The following RERE variants were observed in gnomAD, a reference collection of about 807,000 sequenced individuals.
RERE encodes arginine-glutamic acid dipeptide repeats.
Under a neutral mutation model 146.1 loss-of-function variants are expected in RERE, and 40 were observed. The observed-to-expected ratio is 0.27, with a 90% CI of 0.21 to 0.36. The LOEUF (loss-of-function observed/expected upper bound fraction) is 0.36. Ranked by LOEUF, RERE falls within the 10% of genes least tolerant of loss-of-function variation. The pLI, the probability that RERE is intolerant of heterozygous loss-of-function variation, is 1.00. For missense variants in RERE, 1,933 were observed against 2,138.7 expected (o/e 0.90, Z 1.90); for synonymous variants, 1,003 against 866.0 (o/e 1.16, Z -2.78).
chr1:8,560,041 G>A (rs781372254), intron 4 of RERE, among the ~76,000 whole-genome samples: 2 of 152,042 alleles, frequency 1.3e-5, no homozygotes, highest in African/African-American at 2.4e-5. Context: ...TTCTTCCCTC[G>A]GCAGGATAAT....
intron 4 of RERE, among the ~76,000 whole-genome samples, chr1:8,597,646 C>CA: frequency 6.6e-6 from 1 of 152,302 alleles, no homozygotes; most frequent in South Asian, 2.1e-4. Flanking sequence ...AGAATGTCTG[C>CA]AGCACAGGCT....
chr1:8,678,244 T>C (rs1384232958), intron 1 of RERE, among the ~76,000 whole-genome samples: 2 of 152,206 alleles, frequency 1.3e-5, no homozygotes, highest in Non-Finnish European at 2.9e-5. Flanking sequence ...CTTTCCTCTT[T>C]TATAATCAAA....
intron 1 of RERE, among the ~76,000 whole-genome samples, chr1:8,790,292 G>A (rs1487123756): frequency 6.6e-6 from 1 of 152,020 alleles, no homozygotes; most frequent in Non-Finnish European, 1.5e-5. Flanking sequence ...TTAAACATGA[G>A]GAAAAACATG....
intron 1 of RERE, among the ~76,000 whole-genome samples, chr1:8,816,677 T>C (rs1641917810): frequency 6.6e-6 from 1 of 152,136 alleles, no homozygotes; most frequent in Non-Finnish European, 1.5e-5. Context: ...CAAGTGACTT[T>C]GGGTTTCATA....
chr1:8,424,862 A>G (rs1292561742), intron 11 of RERE: 2 of 152,674 alleles, frequency 1.3e-5, no homozygotes, highest in Non-Finnish European at 2.9e-5. Context: ...CAGGGCTTCC[A>G]GCAGAAGTCA....
rs1199571379 is a variant in RERE at position 8,361,789 on chromosome 1, T to C, written c.1990A>G (p.Thr664Ala). The C allele has an allele frequency of 6.2e-7, 1 of 1,613,800 alleles. No homozygotes were observed. Among genetic ancestry groups the C allele is most frequent in the African/African-American group, 1.3e-5 (1 of 74,930 alleles). ...TGCGTTTTTGTCTTCTTGGAGCTGG[T>C]CCTGTCAGCCTCCTCCGTATCAGAG... ...VASDTEEADR[T>A]SSKKTKTQEI... Residue 664 changes from threonine (T) to alanine (A), a missense_variant, in exon 17 of 23, where the codon ACC becomes GCC. Thr to Ala is a moderately conservative substitution (Grantham distance 58). This residue lies in a region of RERE where 1,255 missense variants were observed against 1,153.8 expected (regional missense o/e 1.09). Transcript: ENST00000400908.
At chr1:8,621,183 T>C (rs1646911819) in intron 3 of RERE, among the ~76,000 whole-genome samples, 1 of 152,124 alleles carries the variant, frequency 6.6e-6, no homozygotes, top group South Asian at 2.1e-4. Context: ...TGTTTAATAG[T>C]CTGGCAGGAC....
chr1:8,654,862 C>CCTGA, intron 2 of RERE, among the ~76,000 whole-genome samples: 1 of 151,918 alleles, frequency 6.6e-6, no homozygotes, highest in Non-Finnish European at 1.5e-5. Context: ...GTCTTGAACT[C>CCTGA]CTGAGCTCAA....
At chr1:8,485,381 A>C (rs552025319) in intron 10 of RERE, among the ~76,000 whole-genome samples, 1 of 152,134 alleles carries the variant, frequency 6.6e-6, no homozygotes, top group Non-Finnish European at 1.5e-5. Context: ...ACATACGGCT[A>C]AAGTTTTATA....
chr1:8,703,398 G>A (rs1639498717), intron 1 of RERE, among the ~76,000 whole-genome samples: 1 of 151,664 alleles, frequency 6.6e-6, no homozygotes, highest in East Asian at 1.9e-4. Context: ...ACTGCCACAT[G>A]CCGGTGACCC....
intron 11 of RERE, among the ~76,000 whole-genome samples, chr1:8,438,108 G>A (rs905224456): frequency 6.6e-6 from 1 of 152,166 alleles, no homozygotes; most frequent in Non-Finnish European, 1.5e-5. Flanking sequence ...GGCCTCCCAA[G>A]TAGGTCAGAC....
chr1:8,617,698 G>A (rs1277555582), intron 3 of RERE, among the ~76,000 whole-genome samples: 2 of 152,060 alleles, frequency 1.3e-5, no homozygotes, highest in African/African-American at 4.8e-5. Context: ...CATAGCGTAA[G>A]GCATTTTTCA....
chr1:8,539,852 CAGAT>C (rs1190879865), intron 7 of RERE, among the ~76,000 whole-genome samples: 1 of 152,110 alleles, frequency 6.6e-6, no homozygotes, highest in Non-Finnish European at 1.5e-5. Flanking sequence ...GACAGACAGA[CAGAT>C]ACACTAATGC....
chr1:8,526,042 A>T, intron 7 of RERE: 5 of 1,202,826 alleles, frequency 4.2e-6, no homozygotes, highest in Non-Finnish European at 5.2e-6. Flanking sequence ...AATCAATCTC[A>T]ACCCTGCTGT....
intron 7 of RERE, among the ~76,000 whole-genome samples, chr1:8,522,482 G>C (rs1264029713): frequency 6.6e-6 from 1 of 152,198 alleles, no homozygotes; most frequent in East Asian, 1.9e-4. Flanking sequence ...AACAACTAGA[G>C]AATCACAGAC....
rs556093266 is a variant in RERE, at chr1:8,607,827, G to A, written c.522+6734C>T. Among the ~76,000 whole-genome samples, 52 of 147,788 alleles carry A rather than the reference G, an allele frequency of 3.5e-4. 1 individual carries two copies. Among genetic ancestry groups the A allele is most frequent in the Admixed American group, 6.9e-4 (10 of 14,482 alleles). On this transcript the variant is annotated intron_variant, in intron 4 of 22. Transcript: ENST00000400908. ...TGGAACCTCTTCCTCCTGAGTTCAA[G>A]CGATTCTCCTGCCTCAACTTCCTAA...
chr1:8,549,287 A>G (rs1321777687), intron 6 of RERE, among the ~76,000 whole-genome samples: 3 of 152,250 alleles, frequency 2.0e-5, no homozygotes, highest in Non-Finnish European at 4.4e-5. Context: ...GGAGCTAGAA[A>G]TAAGAAAGTG....
In RERE at chr1:8,423,846, G is replaced by A. The variant is rs1219890115; in HGVS notation, c.1204-1039C>T. Among the ~76,000 whole-genome samples the A allele has an allele frequency of 6.7e-6, 1 of 148,774 alleles. No individual in the cohort carries two copies. The highest frequency in any genetic ancestry group is 1.5e-5 in the Non-Finnish European group (1 of 66,976). ...GCTGCAAAAGGCGGCCTGGATTGCC[G>A]CCGCCCTCCTGTCCGCCAGCCGGGG... On this transcript the variant is annotated intron_variant, in intron 11 of 22. Transcript: ENST00000400908. The surrounding 1 kb of genome is among the most constrained non-coding windows in gnomAD (Gnocchi z 5.4).
intron 1 of RERE, among the ~76,000 whole-genome samples, chr1:8,732,722 TTAA>T (rs1229416901): frequency 6.6e-6 from 1 of 151,930 alleles, no homozygotes; most frequent in Non-Finnish European, 1.5e-5. Context: ...ATGCAAGATG[TTAA>T]TAATAGGGGG....
Sources: allele counts gnomAD v4.1 joint callset (sites outside exome capture counted in the v4.1 genomes callset), GRCh38; gene constraint gnomAD v4.1.1; regional missense constraint gnomAD v4.1.1; non-coding constraint Gnocchi (gnomAD v3.1); transcripts MANE v1.5; gene names NCBI Gene and HGNC (gene_info 2026-07-23, HGNC 2026-07-21).